The following ARPP21 variants were observed in gnomAD, a reference collection of about 807,000 sequenced individuals.
ARPP21 encodes cAMP-regulated phosphoprotein 21.
A neutral mutation model predicts 113.2 loss-of-function variants in ARPP21; 69 were observed. The ratio of observed to expected loss-of-function variants is 0.61; its 90% CI spans 0.50 to 0.74. ARPP21 has a LOEUF of 0.74. ARPP21 is among the 30% of genes least tolerant of loss of function. ARPP21 has a pLI of 0.00. For missense variants in ARPP21, 1,070 were observed against 1,037.4 expected (o/e 1.03, Z -0.43); for synonymous variants, 368 against 375.5 (o/e 0.98, Z 0.23).
At chr3:35,707,178 C>A in intron 10 of ARPP21, 96 bp downstream of exon 10, 1 of 867,234 alleles carries the variant, frequency 1.2e-6, no homozygotes, top group Admixed American at 2.0e-5. Flanking sequence ...GCCTTCCCTC[C>A]AATCCTCCCC....
chr3:35,745,037 AAGTCTGTGGG>A (rs1403277211), intron 19 of ARPP21, among the ~76,000 whole-genome samples: 1 of 152,140 alleles, frequency 6.6e-6, no homozygotes, highest in African/African-American at 2.4e-5. Flanking sequence ...GGCCTATTTA[AAGTCTGTGGG>A]AGAAGAATTA....
At chr3:35,714,338 G>A (rs2091998648) in intron 11 of ARPP21, among the ~76,000 whole-genome samples, 1 of 152,134 alleles carries the variant, frequency 6.6e-6, no homozygotes, top group African/African-American at 2.4e-5. Flanking sequence ...CTAACAAAAT[G>A]AACATAGAAA....
intron 10 of ARPP21, 74 bp from the exon 11 acceptor site, chr3:35,708,895 G>A: frequency 1.1e-6 from 1 of 933,434 alleles, no homozygotes; most frequent in Non-Finnish European, 1.7e-6. Context: ...ATTATTCTTA[G>A]CTGACAGTTG....
At chr3:35,704,601 T>A (rs2087949255) in intron 9 of ARPP21, among the ~76,000 whole-genome samples, 1 of 151,970 alleles carries the variant, frequency 6.6e-6, no homozygotes, top group African/African-American at 2.4e-5. Context: ...TTTAAAGATC[T>A]CACTAATGCT....
chr3:35,687,831 T>C lies in ARPP21; in HGVS notation c.354T>C (p.Asp118=). 1.9e-6 allele frequency: 3 copies of C among 1,601,588 alleles called. No individual in the cohort carries two copies. The highest frequency in any genetic ancestry group is 4.5e-5 in the East Asian group (2 of 44,422). Residue 118 remains aspartate, a synonymous_variant, in exon 6 of 21, where the codon GAT becomes GAC. Coordinates refer to ENST00000684406, the MANE Select transcript of ARPP21 (RefSeq NM_001385562.1). ...KDDSEREKEK[D]KNKDKTSEKP... is the part of the protein sequence containing the mutation. ...ACTCTGAAAGAGAAAAAGAAAAGGA[T>C]AAAAACAAAGATAAAACCTCTGAAA...
At chr3:35,762,295 ATGGACTATATC>A (rs1299911643) in intron 19 of ARPP21, among the ~76,000 whole-genome samples, 2 of 152,094 alleles carry the variant, frequency 1.3e-5, no homozygotes, top group Admixed American at 6.6e-5. Context: ...AGTAAACAAG[ATGGACTATATC>A]TTGAACATGT....
chr3:35,667,975 G>C (rs1399866996), intron 1 of ARPP21, among the ~76,000 whole-genome samples: 7 of 135,938 alleles, frequency 5.1e-5, no homozygotes, highest in African/African-American at 2.0e-4. Flanking sequence ...AGAAGAAGAA[G>C]AAGAAGAAGA....
intron 19 of ARPP21, among the ~76,000 whole-genome samples, chr3:35,757,671 A>C (rs1029384010): frequency 6.6e-6 from 1 of 152,104 alleles, no homozygotes; most frequent in Non-Finnish European, 1.5e-5. Context: ...AGGCTTTTTG[A>C]AAAGACCTCA....
intron 1 of ARPP21, among the ~76,000 whole-genome samples, chr3:35,668,755 T>A (rs1351300892): frequency 1.3e-5 from 2 of 152,176 alleles, no homozygotes; most frequent in East Asian, 3.9e-4. Flanking sequence ...ACTTCTTTGG[T>A]ACTTGGAGAT....
chr3:35,698,999 G>A (rs77864536), intron 9 of ARPP21, among the ~76,000 whole-genome samples: 61 of 151,716 alleles, frequency 4.0e-4, no homozygotes, highest in Non-Finnish European at 7.8e-4. Flanking sequence ...TCGGTACTGC[G>A]CTTTGAACAA....
In ARPP21 at chr3:35,737,301, C is replaced by T. The variant is rs142886822; in HGVS notation, c.1583C>T (p.Pro528Leu). 1.2e-5 allele frequency: 20 copies of T among 1,612,812 alleles called. No individual in the cohort carries two copies. The highest frequency in any genetic ancestry group is 1.6e-4 in the Middle Eastern group (1 of 6,080). Residue 528 changes from proline to leucine, a missense_variant, in exon 16 of 21, where the codon CCG becomes CTG. Physicochemically the swap from Pro to Leu is moderately conservative, Grantham distance 98. Transcript: ENST00000684406. ...QQQPPQQQPS[P>L]QPQQQVQPPQ... ...CAGCCACCACAGCAGCAGCCCTCCCCGCAGCCCCAACAGCAGGTCCAGCCA... is the reference window on the plus strand; with the variant it reads ...CAGCCACCACAGCAGCAGCCCTCCCTGCAGCCCCAACAGCAGGTCCAGCCA...
At chr3:35,684,496 T>C (rs771691116) in intron 5 of ARPP21, 15 of 983,954 alleles carry the variant, frequency 1.5e-5, no homozygotes, top group South Asian at 4.7e-5. Flanking sequence ...CTTCACATCA[T>C]ACTTATTTTT....
chr3:35,680,982 T>C (rs1042273849), intron 2 of ARPP21: 1 of 151,852 alleles, frequency 6.6e-6, no homozygotes, highest in African/African-American at 2.4e-5. Context: ...CTATAGACTA[T>C]TGTGAGCCTG....
At chr3:35,690,233 C>T (rs1513476) in intron 8 of ARPP21, 93 bp downstream of exon 8, 531,647 of 716,078 alleles carry the variant, frequency 0.74, 200,142 homozygotes, top group East Asian at 0.87. Flanking sequence ...TAGGGATAGA[C>T]AAAACATTGT....
Position 35,723,619 on chromosome 3 carries a change from T to A in ARPP21, c.1225+1785T>A, listed in dbSNP as rs558252896. Among the ~76,000 whole-genome samples the A allele has an allele frequency of 2.0e-5, 3 of 152,344 alleles. No homozygotes were observed. The East Asian group carries it at 5.8e-4, about 29-fold the overall frequency. On this transcript the variant is annotated intron_variant, in intron 14 of 20. Coordinates refer to ENST00000684406, the MANE Select transcript of ARPP21 (RefSeq NM_001385562.1). ...TGTGAAAACCAAGTACTTTAAATGG[T>A]GCACTTAAAAATTCCAGCACACCAA...
intron 19 of ARPP21, among the ~76,000 whole-genome samples, chr3:35,746,065 A>G (rs903059673): frequency 1.3e-5 from 2 of 152,242 alleles, no homozygotes; most frequent in African/African-American, 4.8e-5. Flanking sequence ...TGAAATGATC[A>G]TAAACAGTAT....
chr3:35,715,322 A>T (rs879013683), intron 11 of ARPP21, 117 bp from the exon 12 acceptor site: 1 of 785,476 alleles, frequency 1.3e-6, no homozygotes, highest in Non-Finnish European at 2.2e-6. Context: ...TTTTGTACCT[A>T]TTTTTCTTAA....
intron 1 of ARPP21, among the ~76,000 whole-genome samples, chr3:35,677,000 G>A (rs2077660484): frequency 6.6e-6 from 1 of 151,796 alleles, no homozygotes; most frequent in African/African-American, 2.4e-5. Context: ...AAGAAGCAGT[G>A]CATATAAGCA....
At chr3:35,684,490 A>C in intron 5 of ARPP21, 1 of 984,776 alleles carries the variant, frequency 1.0e-6, no homozygotes, top group Non-Finnish European at 1.2e-6. Flanking sequence ...GGGAAACTTC[A>C]CATCATACTT....
Sources: allele counts gnomAD v4.1 joint callset (sites outside exome capture counted in the v4.1 genomes callset), GRCh38; gene constraint gnomAD v4.1.1; transcripts MANE v1.5; gene names NCBI Gene and HGNC (gene_info 2026-07-23, HGNC 2026-07-21).